IQGAP1: variants seen among roughly 807,000 people sequenced by gnomAD.
The protein encoded by IQGAP1 is ras GTPase-activating-like protein IQGAP1.
A neutral mutation model predicts 215.6 loss-of-function variants in IQGAP1; 66 were observed. The ratio of observed to expected loss-of-function variants is 0.31; its 90% CI spans 0.25 to 0.38. The LOEUF (loss-of-function observed/expected upper bound fraction) is 0.38, where lower values mean the gene tolerates loss of function less well. IQGAP1 is among the 10% of genes least tolerant of loss of function. IQGAP1 has a pLI of 1.00. For missense variants in IQGAP1, 1,712 were observed against 1,997.1 expected, an observed-to-expected ratio of 0.86 and a Z score of 2.72; for synonymous variants, 772 against 728.7, an observed-to-expected ratio of 1.06 and a Z score of -0.96.
intron 2 of IQGAP1, among the ~76,000 whole-genome samples, chr15:90,408,262 A>G (rs1375395465): frequency 1.3e-5 from 2 of 152,176 alleles, no homozygotes; most frequent in African/African-American, 4.8e-5. Context: ...GGGTTGTGGT[A>G]GGAAAAAGAA....
chr15:90,451,625 C>CT (rs993146822), intron 11 of IQGAP1, among the ~76,000 whole-genome samples: 141 of 147,678 alleles, frequency 9.5e-4, no homozygotes, highest in African/African-American at 2.0e-3. Flanking sequence ...CAAGTTTCTT[C>CT]TTTTTTTTTT....
chr15:90,422,934 A>G lies in IQGAP1; in HGVS notation c.156-3176A>G, dbSNP rs562776698. Among the ~76,000 whole-genome samples, 977 of 152,042 alleles carry G rather than the reference A, an allele frequency of 6.4e-3. 10 individuals carry two copies. Among genetic ancestry groups the G allele is most frequent in the African/African-American group, 0.023 (935 of 41,496 alleles). Reference sequence around the variant, plus strand: ...GGTCCTGAACTCTTGGGCTCAAGCAATCCTCCTGCCTTGGCCTCCCAAAGT... The same window carrying G: ...GGTCCTGAACTCTTGGGCTCAAGCAGTCCTCCTGCCTTGGCCTCCCAAAGT... On this transcript the variant is annotated intron_variant, in intron 2 of 37. Transcript: ENST00000268182.
intron 2 of IQGAP1, chr15:90,391,177 G>A (rs903941651): frequency 1.2e-5 from 3 of 257,720 alleles, no homozygotes; most frequent in African/African-American, 2.2e-5. Flanking sequence ...GGTCGAGGCA[G>A]CAGTGAGCCG....
chr15:90,419,014 G>A (rs1848876753), intron 2 of IQGAP1, among the ~76,000 whole-genome samples: 1 of 151,974 alleles, frequency 6.6e-6, no homozygotes, highest in Admixed American at 6.6e-5. Context: ...GGGTGTTGTG[G>A]CACATGCTTG....
chr15:90,422,259 C>G (rs1360011176), intron 2 of IQGAP1, among the ~76,000 whole-genome samples: 1 of 152,170 alleles, frequency 6.6e-6, no homozygotes, highest in East Asian at 1.9e-4. Context: ...GACCTTGGAT[C>G]AGCCTCATTC....
At chr15:90,466,129 CTGGGG>C in intron 16 of IQGAP1, 38 bp downstream of exon 16, 1 of 1,599,928 alleles carries the variant, frequency 6.3e-7, no homozygotes, top group Non-Finnish European at 8.6e-7. Flanking sequence ...TTGGTGGAGG[CTGGGG>C]TGACAAGGTG....
intron 21 of IQGAP1, 47 bp downstream of exon 21, chr15:90,474,014 A>G (rs1445595976): frequency 6.2e-6 from 10 of 1,607,770 alleles, no homozygotes; most frequent in Non-Finnish European, 1.7e-6. Context: ...ATTTTGCCAT[A>G]TTTTTGGTAG....
At chr15:90,453,645 C>T (rs1003227146) in intron 13 of IQGAP1, among the ~76,000 whole-genome samples, 15 of 152,162 alleles carry the variant, frequency 9.9e-5, no homozygotes, top group African/African-American at 3.6e-4. Context: ...AGCCTAGGAA[C>T]ATGTATTATA....
chr15:90,392,872 G>C (rs1964656116), intron 2 of IQGAP1, among the ~76,000 whole-genome samples: 1 of 148,672 alleles, frequency 6.7e-6, no homozygotes, highest in African/African-American at 2.5e-5. Context: ...AGCCTCCTGA[G>C]TAGCTGGAAT....
intron 9 of IQGAP1, among the ~76,000 whole-genome samples, chr15:90,446,166 A>G (rs532919712): frequency 3.3e-5 from 5 of 152,318 alleles, no homozygotes; most frequent in South Asian, 4.1e-4. Flanking sequence ...CATAGAGTAC[A>G]TAAAATATTT....
rs1965624239 is a variant in IQGAP1, at chr15:90,452,848, G to A, written c.1236G>A (p.Met412Ile). 1.2e-6 allele frequency: 2 copies of A among 1,614,028 alleles called. No individual in the cohort carries two copies. Among genetic ancestry groups the A allele is most frequent in the Non-Finnish European group, 8.5e-7 (1 of 1,180,022 alleles). Reference protein sequence around the residue: ...GVAEKTVLELMNPEAQLPQVY... With the variant: ...GVAEKTVLELINPEAQLPQVY... ...CTGAGAAGACTGTTTTGGAACTGAT[G>A]AATCCCGAAGCCCAGCTGCCCCAGG... The change falls in exon 12 of 38, where the codon ATG becomes ATA. Residue 412 changes from methionine (M) to isoleucine (I), a missense_variant. By Grantham distance (10) the Met-to-Ile change is conservative. This residue lies in a region of IQGAP1 where 1,021 missense variants were observed against 1,074.2 expected (regional missense o/e 0.95). Coordinates refer to ENST00000268182, the MANE Select transcript of IQGAP1 (RefSeq NM_003870.4).
chr15:90,458,200 A>G (rs1291968484), intron 15 of IQGAP1, among the ~76,000 whole-genome samples: 1 of 152,154 alleles, frequency 6.6e-6, no homozygotes, highest in African/African-American at 2.4e-5. Flanking sequence ...GTAGCACTTC[A>G]TTTCTTTTTG....
chr15:90,479,597 T>G (rs748489207), intron 26 of IQGAP1, among the ~76,000 whole-genome samples: 1 of 143,840 alleles, frequency 7.0e-6, no homozygotes, highest in Non-Finnish European at 1.5e-5. Context: ...AAAAAAAAAA[T>G]TAGCTGGGTG....
At chr15:90,478,521 A>G (rs1966011324) in intron 26 of IQGAP1, among the ~76,000 whole-genome samples, 1 of 152,202 alleles carries the variant, frequency 6.6e-6, no homozygotes, top group South Asian at 2.1e-4. Context: ...ATAATTAAAC[A>G]TTGAAGAAAG....
chr15:90,388,930 G>A (rs1464962203), intron 1 of IQGAP1, among the ~76,000 whole-genome samples: 1 of 151,950 alleles, frequency 6.6e-6, no homozygotes, highest in Non-Finnish European at 1.5e-5. Context: ...GATTTCAAAA[G>A]TAAAATAGTA....
In IQGAP1 at chr15:90,427,644, G is replaced by T. The variant is rs1308611317; in HGVS notation, c.312+1378G>T. ...AATCCCAGCCACTCAGGAGGCTGAG[G>T]CAGGAGAATCACTTGAACCCAGGAG... On this transcript the variant is annotated intron_variant, in intron 3 of 37. Transcript: ENST00000268182. Among the ~76,000 whole-genome samples, 6 of 152,254 alleles carry T rather than the reference G, an allele frequency of 3.9e-5. No homozygotes were observed. In the East Asian group the frequency reaches 1.2e-3, roughly 29 times the overall value.
intron 2 of IQGAP1, among the ~76,000 whole-genome samples, chr15:90,416,560 G>C (rs1302296058): frequency 6.7e-6 from 1 of 149,494 alleles, no homozygotes; most frequent in Non-Finnish European, 1.5e-5. Flanking sequence ...ATCCTCTCCA[G>C]CACCTGTTGT....
At chr15:90,444,279 G>GTGTGTGTA (rs773341335) in intron 9 of IQGAP1, among the ~76,000 whole-genome samples, 730 of 72,952 alleles carry the variant, frequency 0.01, 8 homozygotes, top group African/African-American at 0.045. Context: ...GTGTGTGTGT[G>GTGTGTGTA]TATATATATA....
chr15:90,494,819 G>A lies in IQGAP1; in HGVS notation c.4735G>A (p.Asp1579Asn), dbSNP rs201369559. The A allele has an allele frequency of 2.3e-5, 37 of 1,605,432 alleles. No individual in the cohort carries two copies. Among genetic ancestry groups the A allele is most frequent in the Non-Finnish European group, 2.9e-5 (34 of 1,175,440 alleles). ...AAAAGGAGTTCTTCTGGAAATTGAG[G>A]ACCTGCAAGTGAATCAGTGAGTCTT... is the stretch of plus-strand genomic sequence containing the variant. ...HEKGVLLEIE[D>N]LQVNQFKNVI... The change falls in exon 36 of 38, where the codon GAC (aspartate) becomes AAC (asparagine). Residue 1579 changes from aspartate (D) to asparagine (N), a missense_variant. Physicochemically the swap from Asp to Asn is conservative, Grantham distance 23. This residue lies in a region of IQGAP1 where 691 missense variants were observed against 923.0 expected (regional missense o/e 0.75). Transcript: ENST00000268182.
Sources: allele counts gnomAD v4.1 joint callset (sites outside exome capture counted in the v4.1 genomes callset), GRCh38; gene constraint gnomAD v4.1.1; regional missense constraint gnomAD v4.1.1; transcripts MANE v1.5; gene names NCBI Gene and HGNC (gene_info 2026-07-23, HGNC 2026-07-21).